TMEM132D: variants seen among roughly 807,000 people sequenced by gnomAD.
TMEM132D encodes the protein mature OL transmembrane protein.
Under a neutral mutation model 62.3 loss-of-function variants are expected in TMEM132D, and 21 were observed. That is an observed-to-expected ratio of 0.34 (90% CI 0.24 to 0.49). The LOEUF is 0.49. Among genes scored for constraint, TMEM132D ranks in the 20% least tolerant of loss-of-function variants. The pLI, the probability that TMEM132D is intolerant of heterozygous loss-of-function variation, is 0.99. For missense variants in TMEM132D, 1,346 were observed against 1,402.8 expected, an observed-to-expected ratio of 0.96 and a Z score of 0.65; for synonymous variants, 621 against 575.6, an observed-to-expected ratio of 1.08 and a Z score of -1.13.
At chr12:129,754,469 A>G (rs114298195) in intron 1 of TMEM132D, among the ~76,000 whole-genome samples, 100 of 152,244 alleles carry the variant, frequency 6.6e-4, no homozygotes, top group African/African-American at 2.3e-3. Context: ...TCATGCTCTG[A>G]AAGAATCCAG....
chr12:129,219,684 G>A (rs1208506540), intron 4 of TMEM132D, among the ~76,000 whole-genome samples: 1 of 152,230 alleles, frequency 6.6e-6, no homozygotes, highest in African/African-American at 2.4e-5. Flanking sequence ...TTAAACAGCA[G>A]GTTTCAGAAG....
chr12:129,612,575 T>C (rs909878999), intron 2 of TMEM132D, among the ~76,000 whole-genome samples: 8 of 152,232 alleles, frequency 5.3e-5, no homozygotes, highest in African/African-American at 1.9e-4. Flanking sequence ...AAAAACGTAT[T>C]TGCTTCTGGT....
At chr12:129,086,339 A>G (rs1256446273) in intron 5 of TMEM132D, among the ~76,000 whole-genome samples, 2 of 152,174 alleles carry the variant, frequency 1.3e-5, no homozygotes, top group Non-Finnish European at 2.9e-5. Flanking sequence ...TAGTGTAAAC[A>G]TCACCCAAAT....
At chr12:129,548,958 C>T (rs948773636) in intron 2 of TMEM132D, among the ~76,000 whole-genome samples, 1 of 152,230 alleles carries the variant, frequency 6.6e-6, no homozygotes, top group Non-Finnish European at 1.5e-5. Context: ...AAAGGAGCAC[C>T]TCTGAAATTT....
intron 1 of TMEM132D, among the ~76,000 whole-genome samples, chr12:129,710,303 T>A (rs920504752): frequency 2.0e-5 from 3 of 152,046 alleles, no homozygotes; most frequent in African/African-American, 7.2e-5. Context: ...TTTATTTATT[T>A]ATTTATTTTT....
chr12:129,235,764 G>A (rs1049399095), intron 4 of TMEM132D, among the ~76,000 whole-genome samples: 2 of 152,156 alleles, frequency 1.3e-5, no homozygotes, highest in African/African-American at 2.4e-5. Context: ...TCTGCCAAAT[G>A]TTAGGTAGTG....
chr12:129,424,662 C>G (rs1160970899), intron 3 of TMEM132D, among the ~76,000 whole-genome samples: 4 of 130,650 alleles, frequency 3.1e-5, no homozygotes, highest in Non-Finnish European at 4.7e-5. Flanking sequence ...GAGCTGAGAT[C>G]ACGCCACTAC....
intron 3 of TMEM132D, among the ~76,000 whole-genome samples, chr12:129,417,640 G>T (rs1448184467): frequency 1.3e-5 from 2 of 152,082 alleles, no homozygotes; most frequent in Admixed American, 1.3e-4. Flanking sequence ...CATAGGCATG[G>T]GCAAAGACTT....
chr12:129,788,524 TC>T (rs1413254499), intron 1 of TMEM132D, among the ~76,000 whole-genome samples: 3 of 152,286 alleles, frequency 2.0e-5, no homozygotes, highest in African/African-American at 7.2e-5. Flanking sequence ...TAAATACAGA[TC>T]ATCAAACTGA....
At chr12:129,083,578 G>T (rs940550179) in intron 6 of TMEM132D, among the ~76,000 whole-genome samples, 4 of 152,114 alleles carry the variant, frequency 2.6e-5, no homozygotes, top group African/African-American at 9.7e-5. Flanking sequence ...CACAGCCTTC[G>T]TCCTTGAAGC....
Position 129,464,938 on chromosome 12 carries a change from T to C in TMEM132D, c.1115+66121A>G, listed in dbSNP as rs12299361. Among the ~76,000 whole-genome samples, 870 of 150,628 alleles carry C rather than the reference T, an allele frequency of 5.8e-3. 11 individuals carry two copies. The highest frequency in any genetic ancestry group is 0.02 in the African/African-American group (837 of 40,940). On this transcript the variant is annotated intron_variant, in intron 3 of 8. Coordinates refer to ENST00000422113, the MANE Select transcript of TMEM132D (RefSeq NM_133448.3). Reference sequence around the variant, plus strand: ...CCAGCTTTGTTCTTTTGGCTTAGGATTGACTTGGCAATGCGGGCTCTTTTT... The same window carrying C: ...CCAGCTTTGTTCTTTTGGCTTAGGACTGACTTGGCAATGCGGGCTCTTTTT...
chr12:129,299,342 C>A (rs953718527), intron 4 of TMEM132D, among the ~76,000 whole-genome samples: 1 of 151,214 alleles, frequency 6.6e-6, no homozygotes, highest in African/African-American at 2.4e-5. Context: ...GCTCCTGGAT[C>A]AAGCCATACC....
chr12:129,733,797 G>A (rs760060662), intron 1 of TMEM132D, among the ~76,000 whole-genome samples: 2 of 152,192 alleles, frequency 1.3e-5, no homozygotes, highest in African/African-American at 2.4e-5. Flanking sequence ...CTGGGCAGGT[G>A]ATGAGGAAGG....
intron 3 of TMEM132D, among the ~76,000 whole-genome samples, chr12:129,422,151 T>G (rs1027062294): frequency 6.6e-6 from 1 of 150,430 alleles, no homozygotes; most frequent in South Asian, 2.1e-4. Context: ...GACACTAATG[T>G]TAATATTTAA....
At chr12:129,237,545 ATTTC>A (rs1879818414) in intron 4 of TMEM132D, among the ~76,000 whole-genome samples, 1 of 152,022 alleles carries the variant, frequency 6.6e-6, no homozygotes, top group African/African-American at 2.4e-5. Context: ...AATTTCCCAG[ATTTC>A]TTTCTGTTAC....
intron 2 of TMEM132D, among the ~76,000 whole-genome samples, chr12:129,655,983 C>T (rs1593107605): frequency 1.3e-5 from 2 of 152,244 alleles, no homozygotes; most frequent in African/African-American, 4.8e-5. Context: ...TACTTCCAGG[C>T]GTCAACGTTA....
intron 2 of TMEM132D, among the ~76,000 whole-genome samples, chr12:129,587,473 G>A (rs748392056): frequency 7.9e-5 from 12 of 151,934 alleles, no homozygotes; most frequent in Non-Finnish European, 1.2e-4. Context: ...GAACTAATTC[G>A]TACAACAAAC....
At chr12:129,281,255 C>G (rs1881137492) in intron 4 of TMEM132D, among the ~76,000 whole-genome samples, 1 of 152,066 alleles carries the variant, frequency 6.6e-6, no homozygotes, top group Non-Finnish European at 1.5e-5. Flanking sequence ...CTGATCCCTA[C>G]TTTATCTTAC....
At chr12:129,580,388 C>T (rs1397731893) in intron 2 of TMEM132D, among the ~76,000 whole-genome samples, 1 of 152,150 alleles carries the variant, frequency 6.6e-6, no homozygotes, top group Non-Finnish European at 1.5e-5. Flanking sequence ...CAAAGGTGTC[C>T]AACATGAATG....
Sources: allele counts gnomAD v4.1 joint callset (sites outside exome capture counted in the v4.1 genomes callset), GRCh38; gene constraint gnomAD v4.1.1; transcripts MANE v1.5; gene names NCBI Gene and HGNC (gene_info 2026-07-23, HGNC 2026-07-21).